The following VPS8 variants were observed in gnomAD, a reference collection of about 807,000 sequenced individuals.
VPS8 encodes the protein VPS8 subunit of CORVET complex.
A neutral mutation model predicts 216.4 loss-of-function variants in VPS8; 129 were observed. The observed-to-expected ratio is 0.60, with a 90% CI of 0.52 to 0.69. The LOEUF is 0.69. Among genes scored for constraint, VPS8 ranks in the 30% least tolerant of loss-of-function variants. The pLI is 0.00. For synonymous variants in VPS8, 571 were observed against 565.4 expected (o/e 1.01, Z -0.14); for missense variants, 1,531 against 1,683.5 (o/e 0.91, Z 1.59).
At chr3:184,950,216 CT>C (rs10700220) in intron 36 of VPS8, among the ~76,000 whole-genome samples, 489 of 39,872 alleles carry the variant, frequency 0.012, 3 homozygotes, top group African/African-American at 0.046. Context: ...CAGTTTTCTG[CT>C]TTTTTTTTTT....
chr3:185,028,217 T>C (rs1757655321), intron 46 of VPS8, among the ~76,000 whole-genome samples: 1 of 152,194 alleles, frequency 6.6e-6, no homozygotes, highest in Non-Finnish European at 1.5e-5. Flanking sequence ...CTTATTATCA[T>C]GCTGTTTATG....
chr3:184,954,130 G>A (rs1745179274), intron 36 of VPS8, among the ~76,000 whole-genome samples: 1 of 152,102 alleles, frequency 6.6e-6, no homozygotes, highest in South Asian at 2.1e-4. Flanking sequence ...TATAATAAAG[G>A]ATATTACAAA....
chr3:184,981,815 T>G (rs1265207808), intron 40 of VPS8, among the ~76,000 whole-genome samples: 1 of 152,220 alleles, frequency 6.6e-6, no homozygotes, highest in African/African-American at 2.4e-5. Flanking sequence ...TGTGTGATCT[T>G]TGAAAAATTA....
At chr3:184,858,528 T>C (rs1308190908) in intron 14 of VPS8, among the ~76,000 whole-genome samples, 1 of 152,092 alleles carries the variant, frequency 6.6e-6, no homozygotes, top group Non-Finnish European at 1.5e-5. Context: ...TTTTTCTAGA[T>C]TAGAAGACGA....
Position 184,854,166 on chromosome 3 carries a change from A to G in VPS8, c.1028A>G (p.Tyr343Cys), listed in dbSNP as rs753761472. 3.1e-6 allele frequency: 5 copies of G among 1,613,694 alleles called. No homozygotes were observed. The highest frequency in any genetic ancestry group is 4.5e-5 in the East Asian group (2 of 44,886). ...TTGAAAGTATGGATGACTTTTCCCT[A>G]TGGCCGGGTGAGTACGTCCCTCCAT... ...PSLKVWMTFPYGRMDPSSVPL... is the reference protein window; with the variant it reads ...PSLKVWMTFPCGRMDPSSVPL... Residue 343 changes from tyrosine to cysteine, a missense_variant, in exon 13 of 48, where the codon TAT (tyrosine) becomes TGT (cysteine). Coordinates refer to ENST00000625842, the MANE Select transcript of VPS8 (RefSeq NM_001009921.3).
At chr3:184,846,526 A>G (rs889203516) in intron 8 of VPS8, among the ~76,000 whole-genome samples, 1 of 152,230 alleles carries the variant, frequency 6.6e-6, no homozygotes, top group African/African-American at 2.4e-5. Context: ...AGTCCGATTT[A>G]AAGTATGAAC....
chr3:184,865,389 C>CA (rs1268608586), intron 16 of VPS8, among the ~76,000 whole-genome samples: 5 of 152,090 alleles, frequency 3.3e-5, no homozygotes, highest in Admixed American at 2.0e-4. Flanking sequence ...GAAAAAAAGA[C>CA]ACATTAAATG....
chr3:184,892,628 A>T (rs1732575670), intron 22 of VPS8, among the ~76,000 whole-genome samples: 1 of 152,184 alleles, frequency 6.6e-6, no homozygotes, highest in Non-Finnish European at 1.5e-5. Context: ...TTTAAGGTAG[A>T]GATGCAAATA....
At chr3:184,974,569 A>G (rs1379636936) in intron 40 of VPS8, among the ~76,000 whole-genome samples, 1 of 152,100 alleles carries the variant, frequency 6.6e-6, no homozygotes, top group Non-Finnish European at 1.5e-5. Flanking sequence ...ACATAATGCT[A>G]CTTGTCTATT....
chr3:184,940,713 G>A (rs1742528571), intron 36 of VPS8, among the ~76,000 whole-genome samples: 1 of 152,134 alleles, frequency 6.6e-6, no homozygotes, highest in South Asian at 2.1e-4. Context: ...GGTGTGGGAA[G>A]GAAAGTTTAA....
At chr3:184,868,235 A>G in intron 18 of VPS8, 176 bp downstream of exon 18, 2 of 625,414 alleles carry the variant, frequency 3.2e-6, no homozygotes, top group Admixed American at 3.1e-5. Flanking sequence ...ATAAGTTAGA[A>G]TTAGGTTTGT....
chr3:184,820,325 C>T (rs540170070), intron 1 of VPS8, among the ~76,000 whole-genome samples: 1 of 152,284 alleles, frequency 6.6e-6, no homozygotes, highest in African/African-American at 2.4e-5. Context: ...GGCTCCTGAG[C>T]CCTGTTCTCC....
At position 185,052,312 on chromosome 3, in the gene VPS8, C is replaced by T. The variant is rs973135470; in HGVS notation, c.*287C>T. The T allele has an allele frequency of 2.9e-5, 8 of 278,154 alleles. No homozygotes were observed. Among genetic ancestry groups the T allele is most frequent in the Non-Finnish European group, 5.3e-5 (8 of 149,606 alleles). 17.2% of individuals were successfully genotyped at this position (278,154 alleles called of 1,614,324 possible). On this transcript the variant is annotated 3_prime_UTR_variant, in exon 48 of 48. Coordinates refer to ENST00000625842, the MANE Select transcript of VPS8 (RefSeq NM_001009921.3). ...GTCCAGCTTTTTAGGAAATACATTTCGCCTATTGCGACTTTTTCCATTTAC... is the reference window on the plus strand; with the variant it reads ...GTCCAGCTTTTTAGGAAATACATTTTGCCTATTGCGACTTTTTCCATTTAC...
chr3:184,921,602 C>A (rs1165616788), intron 29 of VPS8, among the ~76,000 whole-genome samples: 1 of 151,736 alleles, frequency 6.6e-6, no homozygotes, highest in African/African-American at 2.4e-5. Flanking sequence ...GAGACTGAGT[C>A]TTGCTCTGTT....
chr3:184,915,096 G>T (rs747251336), intron 27 of VPS8, 43 bp downstream of exon 27: 4 of 1,598,052 alleles, frequency 2.5e-6, no homozygotes, highest in Non-Finnish European at 3.4e-6. Context: ...CTCCGTCTCT[G>T]GTTAAGACGC....
intron 21 of VPS8, among the ~76,000 whole-genome samples, chr3:184,874,771 G>C (rs183014089): frequency 6.6e-6 from 1 of 152,246 alleles, no homozygotes; most frequent in Admixed American, 6.5e-5. Context: ...AACTGAGATG[G>C]TGGAAGGTTT....
intron 15 of VPS8, among the ~76,000 whole-genome samples, chr3:184,860,986 C>G (rs1346956503): frequency 4.6e-5 from 7 of 151,838 alleles, no homozygotes; most frequent in Non-Finnish European, 1.5e-5. Context: ...TCACGCCTGG[C>G]TAATTTTTTG....
intron 1 of VPS8, among the ~76,000 whole-genome samples, chr3:184,821,536 C>T (rs1013399957): frequency 1.3e-4 from 19 of 151,734 alleles, no homozygotes; most frequent in African/African-American, 4.4e-4. Context: ...TTAGTAGAGA[C>T]GAGGTTTCAC....
intron 21 of VPS8, among the ~76,000 whole-genome samples, chr3:184,884,746 A>C (rs1465290474): frequency 6.6e-6 from 1 of 152,160 alleles, no homozygotes; most frequent in Admixed American, 6.5e-5. Context: ...TTCTGGCATT[A>C]AAACCCAAGC....
Sources: allele counts gnomAD v4.1 joint callset (sites outside exome capture counted in the v4.1 genomes callset), GRCh38; gene constraint gnomAD v4.1.1; transcripts MANE v1.5; gene names NCBI Gene and HGNC (gene_info 2026-07-23, HGNC 2026-07-21).